CLINT1: variants seen among roughly 807,000 people sequenced by gnomAD.
The protein encoded by CLINT1 is clathrin interactor 1, also known as clathrin interacting protein localized in the trans-Golgi region.
Under a neutral mutation model 70.4 loss-of-function variants are expected in CLINT1, and 15 were observed. That is an observed-to-expected ratio of 0.21 (90% CI 0.14 to 0.33). The LOEUF is 0.33. Ranked by LOEUF, CLINT1 falls within the 10% of genes least tolerant of loss-of-function variation. CLINT1 has a pLI of 1.00. For synonymous variants in CLINT1, 227 were observed against 254.7 expected (o/e 0.89, Z 1.04); for missense variants, 615 against 778.1 (o/e 0.79, Z 2.49).
intron 1 of CLINT1, among the ~76,000 whole-genome samples, chr5:157,841,892 A>G (rs1753192677): frequency 6.6e-6 from 1 of 152,132 alleles, no homozygotes; most frequent in Non-Finnish European, 1.5e-5. Flanking sequence ...CAGCCTCCAA[A>G]AGTGCTAGGA....
At chr5:157,792,060 T>G in intron 9 of CLINT1, 65 bp from the exon 10 acceptor site, 1 of 1,425,036 alleles carries the variant, frequency 7.0e-7, no homozygotes, top group African/African-American at 1.4e-5. Context: ...TGTAACAATC[T>G]ATGAACTGAA....
chr5:157,853,648 G>A (rs1470886182), intron 1 of CLINT1, among the ~76,000 whole-genome samples: 2 of 151,232 alleles, frequency 1.3e-5, no homozygotes, highest in East Asian at 2.0e-4. Context: ...ATGGTGGCAC[G>A]TGCCTGTAAT....
chr5:157,813,144 G>A lies in CLINT1; in HGVS notation c.436C>T (p.Arg146Cys), dbSNP rs2113205051. The change falls in exon 5 of 12, where the codon CGT becomes TGT. Residue 146 changes from arginine (R) to cysteine (C), a missense_variant. Transcript: ENST00000411809. Reference protein sequence around the residue: ...VEFAQDDDRLREERKKAKKNK... With the variant: ...VEFAQDDDRLCEERKKAKKNK... ...TTCTTTGCTTTCTTTCGCTCTTCACGAAGCCTGTCGTCATCCTGGGCAAAT... is the reference window on the plus strand; with the variant it reads ...TTCTTTGCTTTCTTTCGCTCTTCACAAAGCCTGTCGTCATCCTGGGCAAAT... 6.2e-7 allele frequency: 1 copy of A among 1,613,730 alleles called. No homozygotes were observed. The highest frequency in any genetic ancestry group is 8.5e-7 in the Non-Finnish European group (1 of 1,179,820).
At position 157,787,075 on chromosome 5, in the gene CLINT1, A is replaced by T. The variant is rs1430491069; in HGVS notation, c.*571T>A. 1.3e-5 allele frequency: 2 copies of T among 153,170 alleles called. No individual in the cohort carries two copies. Among genetic ancestry groups the T allele is most frequent in the Non-Finnish European group, 2.9e-5 (2 of 68,488 alleles). The allele number at this position is 153,170 out of a possible 1,614,324, so 9.5% of individuals were successfully genotyped here. On this transcript the variant is annotated 3_prime_UTR_variant, in exon 12 of 12. Transcript: ENST00000411809. ...AGTATAATAGCAGTGTTGCTGGAAC[A>T]TTAGCAAAAGTATATACATTCCAGT...
At chr5:157,814,048 G>A (rs552415310) in intron 4 of CLINT1, 137 bp downstream of exon 4, 7 of 636,388 alleles carry the variant, frequency 1.1e-5, no homozygotes, top group East Asian at 5.5e-5. Flanking sequence ...AGGGCCCCAC[G>A]TCTTGGATTC....
chr5:157,835,588 T>A (rs1353812778), intron 1 of CLINT1, among the ~76,000 whole-genome samples: 1 of 151,996 alleles, frequency 6.6e-6, no homozygotes, highest in Non-Finnish European at 1.5e-5. Flanking sequence ...AGATGGCTTG[T>A]GAAAAACTGA....
Position 157,816,729 on chromosome 5 carries a change from C to T in CLINT1, c.243+5G>A, listed in dbSNP as rs1581504563. The T allele has an allele frequency of 6.3e-7, 1 of 1,595,992 alleles. No individual in the cohort carries two copies. The highest frequency in any genetic ancestry group is 8.6e-7 in the Non-Finnish European group (1 of 1,167,196). On this transcript the variant is annotated splice_donor_5th_base_variant and intron_variant, in intron 3 of 11. Transcript: ENST00000411809. ...CAAGTAATTAAAGCAGACTTGTGTC[C>T]ATACCTTATAAACTCTTCTCCAATT...
At position 157,785,927 on chromosome 5, in the gene CLINT1, C is replaced by T. The variant is rs1761709104; in HGVS notation, c.*1719G>A. On this transcript the variant is annotated 3_prime_UTR_variant, in exon 12 of 12. Coordinates refer to ENST00000411809, the MANE Select transcript of CLINT1 (RefSeq NM_014666.4). The stretch of plus-strand genomic sequence containing the variant: ...GTAACAACACTTGAAAGCTCCTATT[C>T]TTTGAAACTAAGTTAAACACATTGA... 1 of 152,152 alleles carries T rather than the reference C, an allele frequency of 6.6e-6. No individual in the cohort carries two copies. The highest frequency in any genetic ancestry group is 2.1e-4 in the South Asian group (1 of 4,834). The allele number at this position is 152,152 out of a possible 1,614,324, so 9.4% of individuals were successfully genotyped here.
At chr5:157,833,978 G>T (rs968877339) in intron 1 of CLINT1, among the ~76,000 whole-genome samples, 2 of 152,078 alleles carry the variant, frequency 1.3e-5, no homozygotes, top group African/African-American at 4.8e-5. Flanking sequence ...AGGCATGTTT[G>T]TTTATTTACC....
intron 8 of CLINT1, among the ~76,000 whole-genome samples, chr5:157,800,344 A>G (rs1406973820): frequency 6.6e-6 from 1 of 152,176 alleles, no homozygotes; most frequent in Non-Finnish European, 1.5e-5. Context: ...TACTTGCATG[A>G]TGGTACTATT....
rs545004379 is a variant in CLINT1 at position 157,835,133 on chromosome 5, A to C, written c.42-17586T>G. ...ATCTATTTGGTGCAACGTATTTCAC[A>C]CTTTTATGCTTTACACGTTGGCAAT... On this transcript the variant is annotated intron_variant, in intron 1 of 11. Transcript: ENST00000411809. Among the ~76,000 whole-genome samples the C allele has an allele frequency of 3.9e-5, 6 of 152,294 alleles. No homozygotes were observed. The South Asian group carries it at 1.2e-3, about 32-fold the overall frequency.
intron 10 of CLINT1, among the ~76,000 whole-genome samples, chr5:157,791,002 A>C (rs3777052): frequency 6.6e-6 from 1 of 152,142 alleles, no homozygotes; most frequent in Non-Finnish European, 1.5e-5. Context: ...TAGGGACATG[A>C]CCAGAAATTT....
At chr5:157,825,962 AC>A (rs1763022434) in intron 1 of CLINT1, among the ~76,000 whole-genome samples, 2 of 152,156 alleles carry the variant, frequency 1.3e-5, no homozygotes, top group African/African-American at 4.8e-5. Context: ...TATTCTTGTA[AC>A]CTTAATTCAA....
chr5:157,787,490 T>C lies in CLINT1; in HGVS notation c.*156A>G, dbSNP rs907933281. The C allele has an allele frequency of 2.9e-6, 2 of 680,346 alleles. No individual in the cohort carries two copies. Among genetic ancestry groups the C allele is most frequent in the African/African-American group, 3.6e-5 (2 of 55,362 alleles). The allele number at this position is 680,346 out of a possible 1,614,324, so 42.1% of individuals were successfully genotyped here. ...TTGCCTGGCCCTCTGAAATACTGGATATTTCACTTTTATAAAACAGCCTTT... is the reference window on the plus strand; with the variant it reads ...TTGCCTGGCCCTCTGAAATACTGGACATTTCACTTTTATAAAACAGCCTTT... On this transcript the variant is annotated 3_prime_UTR_variant, in exon 12 of 12. Coordinates refer to ENST00000411809, the MANE Select transcript of CLINT1 (RefSeq NM_014666.4).
intron 1 of CLINT1, among the ~76,000 whole-genome samples, chr5:157,834,290 G>A (rs111319383): frequency 0.012 from 1,837 of 152,178 alleles, 36 homozygotes; most frequent in African/African-American, 0.042. Context: ...TGCTTGAACC[G>A]GGAGGCAGAG....
Position 157,787,731 on chromosome 5 carries a change from A to G in CLINT1, c.1793T>C (p.Met598Thr), listed in dbSNP as rs781730711. The change falls in exon 12 of 12, where the codon ATG becomes ACG. Residue 598 changes from methionine to threonine, a missense_variant. Met to Thr is a moderately conservative substitution (Grantham distance 81). Around this residue, in one of 2 missense-constraint regions of CLINT1, gnomAD observed 374 missense variants for 409.6 expected, o/e 0.91. Transcript: ENST00000411809. ...AGMGLTGTMG[M>T]GMPNIAMTSG... ...AGTCATGGCTATGTTGGGCATGCCCATTCCCATTGTGCCTGTCAAGCCCAT... is the reference window on the plus strand; with the variant it reads ...AGTCATGGCTATGTTGGGCATGCCCGTTCCCATTGTGCCTGTCAAGCCCAT... 1.2e-6 allele frequency: 2 copies of G among 1,613,890 alleles called. No individual in the cohort carries two copies. Among genetic ancestry groups the G allele is most frequent in the African/African-American group, 2.7e-5 (2 of 74,934 alleles).
chr5:157,799,610 C>T (rs1370127988), intron 8 of CLINT1, among the ~76,000 whole-genome samples: 2 of 152,010 alleles, frequency 1.3e-5, no homozygotes, highest in Non-Finnish European at 2.9e-5. Flanking sequence ...ACAAGTTGGA[C>T]TTCTTTTTAA....
intron 1 of CLINT1, among the ~76,000 whole-genome samples, chr5:157,837,543 A>G (rs1763467095): frequency 6.6e-6 from 1 of 152,082 alleles, no homozygotes; most frequent in South Asian, 2.1e-4. Context: ...ATGTGTTGTT[A>G]TTTTCAAATT....
intron 1 of CLINT1, among the ~76,000 whole-genome samples, chr5:157,818,757 G>C (rs1762795304): frequency 1.3e-5 from 2 of 152,096 alleles, no homozygotes; most frequent in Admixed American, 6.6e-5. Flanking sequence ...ATCAGATTAA[G>C]ACATGAGATG....
Sources: gnomAD v4.1 joint callset for allele counts (sites outside exome capture counted in the v4.1 genomes callset) on GRCh38, gnomAD v4.1.1 for gene constraint, gnomAD v4.1.1 regional missense constraint, MANE v1.5 for transcripts, NCBI Gene and HGNC (gene_info 2026-07-23, HGNC 2026-07-21) for gene names.